Variants in DGLUCY observed in about 807,000 individuals in gnomAD.
DGLUCY encodes the protein D-glutamate cyclase.
A neutral mutation model predicts 58.5 loss-of-function variants in DGLUCY; 58 were observed. The ratio of observed to expected loss-of-function variants is 0.99; its 90% CI spans 0.80 to 1.23. The LOEUF is 1.23. Among genes scored for constraint, DGLUCY ranks in the 50% most tolerant of loss-of-function variants. The pLI is 0.00. For synonymous variants in DGLUCY, 325 were observed against 314.1 expected (o/e 1.03, Z -0.37); for missense variants, 779 against 784.7 (o/e 0.99, Z 0.09).
At chr14:91,083,113 C>A (rs891030410) in intron 1 of DGLUCY, among the ~76,000 whole-genome samples, 1 of 152,222 alleles carries the variant, frequency 6.6e-6, no homozygotes, top group Admixed American at 6.5e-5. Context: ...CAACTTGCAA[C>A]CCTATGCCTA....
intron 5 of DGLUCY, among the ~76,000 whole-genome samples, chr14:91,171,916 G>C (rs1595831955): frequency 6.6e-6 from 1 of 152,122 alleles, no homozygotes; most frequent in East Asian, 1.9e-4. Context: ...GTTCTCCCTT[G>C]CCTCCCTCTG....
chr14:91,187,304 G>A (rs550681487), intron 8 of DGLUCY, among the ~76,000 whole-genome samples: 2 of 152,128 alleles, frequency 1.3e-5, no homozygotes, highest in Admixed American at 6.6e-5. Context: ...AGCCAACCCC[G>A]TGTCTTTCAT....
At chr14:91,102,350 C>T (rs933907765) in intron 1 of DGLUCY, among the ~76,000 whole-genome samples, 2 of 152,046 alleles carry the variant, frequency 1.3e-5, no homozygotes, top group Non-Finnish European at 1.5e-5. Flanking sequence ...AAATCCTTCT[C>T]GAGAAAGTGT....
intron 1 of DGLUCY, among the ~76,000 whole-genome samples, chr14:91,146,216 G>T (rs1189250689): frequency 2.0e-5 from 3 of 152,208 alleles, no homozygotes; most frequent in African/African-American, 7.2e-5. Flanking sequence ...TCGAGAGGTT[G>T]CCCACTAATC....
chr14:91,075,432 C>A (rs78798536), intron 1 of DGLUCY, among the ~76,000 whole-genome samples: 1 of 152,196 alleles, frequency 6.6e-6, no homozygotes, highest in South Asian at 2.1e-4. Flanking sequence ...CATGAGCCAC[C>A]GCACCCTACC....
chr14:91,112,213 C>T (rs530208770), upstream of DGLUCY, among the ~76,000 whole-genome samples: 70 of 151,114 alleles, frequency 4.6e-4, 2 homozygotes, highest in South Asian at 0.015. Context: ...CGCACCATTA[C>T]ACTCCAGCCT....
chr14:91,121,684 G>T (rs1393269612), intron 1 of DGLUCY, among the ~76,000 whole-genome samples: 1 of 151,456 alleles, frequency 6.6e-6, no homozygotes, highest in East Asian at 1.9e-4. Flanking sequence ...AATGTCTTCA[G>T]TGAAGGCTTC....
upstream of DGLUCY, among the ~76,000 whole-genome samples, chr14:91,105,659 T>C (rs1386536490): frequency 6.6e-6 from 1 of 152,172 alleles, no homozygotes; most frequent in Non-Finnish European, 1.5e-5. Context: ...AAACTCATTC[T>C]TCAGAGACAC....
intron 1 of DGLUCY, among the ~76,000 whole-genome samples, chr14:91,089,549 C>T (rs1446637907): frequency 6.6e-6 from 1 of 152,154 alleles, no homozygotes; most frequent in African/African-American, 2.4e-5. Flanking sequence ...TGGCCGGGCA[C>T]AGTAGCTTGC....
chr14:91,173,161 G>A lies in DGLUCY; in HGVS notation c.457-128G>A. 4.0e-6 allele frequency: 4 copies of A among 996,630 alleles called. No individual in the cohort carries two copies. The South Asian group carries it at 6.3e-5, about 16-fold the overall frequency. The allele number at this position is 996,630 out of a possible 1,614,324, so 61.7% of individuals were successfully genotyped here. On this transcript the variant is annotated intron_variant, in intron 5 of 13. Coordinates refer to ENST00000256324, the MANE Select transcript of DGLUCY (RefSeq NM_001102368.3). ...CCTCTCTCTATGTCACATAAAAATA[G>A]AAGCTAATTTCTATAACAGCTACTC...
At chr14:91,088,357 G>A (rs767951431) in intron 1 of DGLUCY, among the ~76,000 whole-genome samples, 12 of 152,100 alleles carry the variant, frequency 7.9e-5, no homozygotes, top group Non-Finnish European at 1.6e-4. Flanking sequence ...TCCACCCCAC[G>A]ATTATAAGAA....
At chr14:91,160,227 C>A in intron 2 of DGLUCY, 39 bp from the exon 3 acceptor site, 1 of 1,283,648 alleles carries the variant, frequency 7.8e-7, no homozygotes, top group Non-Finnish European at 1.1e-6. Flanking sequence ...TTCAGGGGGC[C>A]ACACTTTCTA....
At chr14:91,167,476 G>A (rs2048345606) in intron 4 of DGLUCY, 98 bp downstream of exon 4, 1 of 1,475,548 alleles carries the variant, frequency 6.8e-7, no homozygotes, top group Non-Finnish European at 9.5e-7. Flanking sequence ...CAGCCTCAGG[G>A]ACCTTCACAG....
intron 3 of DGLUCY, among the ~76,000 whole-genome samples, chr14:91,166,214 A>G (rs185027560): frequency 1.3e-5 from 2 of 152,306 alleles, no homozygotes; most frequent in East Asian, 1.9e-4. Flanking sequence ...TTTCATGGCA[A>G]TTCATCAAGC....
chr14:91,211,353 C>G lies in DGLUCY; in HGVS notation c.1565-4052C>G, dbSNP rs185122892. ...TGATTCTAAAGTTTATATGAAGAGG[C>G]AAAAGATACAGAATAACAAACTGAA... On this transcript the variant is annotated intron_variant, in intron 12 of 13. Coordinates refer to ENST00000256324, the MANE Select transcript of DGLUCY (RefSeq NM_001102368.3). Among the ~76,000 whole-genome samples, 189 of 152,128 alleles carry G rather than the reference C, an allele frequency of 1.2e-3. 3 individuals are homozygous for G. The highest frequency in any genetic ancestry group is 1.6e-4 in the Non-Finnish European group (11 of 68,018).
intron 1 of DGLUCY, among the ~76,000 whole-genome samples, chr14:91,122,602 G>GTTTTTTTTTTTTTTTTTTTTTTTTTTT (rs60627604): frequency 9.5e-6 from 1 of 104,816 alleles, no homozygotes; most frequent in African/African-American, 3.9e-5. Flanking sequence ...AAAGAAAAAA[G>GTTTTTTTTTTTTTTTTTTTTTTTTTTT]TTTTTTTTTT....
chr14:91,104,253 G>C (rs917135403), upstream of DGLUCY, among the ~76,000 whole-genome samples: 1 of 151,304 alleles, frequency 6.6e-6, no homozygotes, highest in African/African-American at 2.4e-5. Context: ...TAGTAGAGAC[G>C]GGGTTTCACC....
intron 12 of DGLUCY, among the ~76,000 whole-genome samples, chr14:91,207,198 A>G (rs1232069732): frequency 6.6e-6 from 1 of 151,310 alleles, no homozygotes; most frequent in African/African-American, 2.4e-5. Context: ...ATAGAGATCA[A>G]TAACTCTGTA....
intron 1 of DGLUCY, among the ~76,000 whole-genome samples, chr14:91,151,414 T>G (rs570379895): frequency 2.0e-5 from 3 of 151,892 alleles, no homozygotes; most frequent in Middle Eastern, 3.4e-3. Context: ...TAATTTTTTT[T>G]TATTATTTAG....
Sources: gnomAD v4.1 joint callset for allele counts (sites outside exome capture counted in the v4.1 genomes callset) on GRCh38, gnomAD v4.1.1 for gene constraint, MANE v1.5 for transcripts, NCBI Gene and HGNC (gene_info 2026-07-23, HGNC 2026-07-21) for gene names.